Variants in XRCC4 observed in about 807,000 individuals in gnomAD.
XRCC4 encodes the protein X-ray repair cross complementing 4, also known as DNA repair protein XRCC4.
Under a neutral mutation model 39.1 loss-of-function variants are expected in XRCC4, and 28 were observed. That is an observed-to-expected ratio of 0.72 (90% CI 0.53 to 0.98). The LOEUF is 0.98. Among genes scored for constraint, XRCC4 ranks in the 50% least tolerant of loss-of-function variants. XRCC4 has a pLI of 0.00. For missense variants in XRCC4, 350 were observed against 376.4 expected, an observed-to-expected ratio of 0.93 and a Z score of 0.58; for synonymous variants, 123 against 126.4, an observed-to-expected ratio of 0.97 and a Z score of 0.18.
intron 7 of XRCC4, among the ~76,000 whole-genome samples, chr5:83,302,782 G>A (rs1285886526): frequency 6.6e-6 from 1 of 152,186 alleles, no homozygotes; most frequent in Non-Finnish European, 1.5e-5. Context: ...AGGATTTGCA[G>A]TGTAACAATT....
At chr5:83,169,230 T>G (rs914194267) in intron 3 of XRCC4, among the ~76,000 whole-genome samples, 1 of 152,220 alleles carries the variant, frequency 6.6e-6, no homozygotes, top group Non-Finnish European at 1.5e-5. Flanking sequence ...TAGTCATTTT[T>G]CCAAAGTTTA....
In XRCC4 at chr5:83,105,025, C is replaced by T. The variant is rs1746130112; in HGVS notation, c.106C>T (p.Leu36Phe). 8 of 1,613,464 alleles carry T rather than the reference C, an allele frequency of 5.0e-6. No homozygotes were observed. Among genetic ancestry groups the T allele is most frequent in the Non-Finnish European group, 6.8e-6 (8 of 1,179,704 alleles). ...KTLESGFVITLTDGHSAWTGT... is the reference protein window; with the variant it reads ...KTLESGFVITFTDGHSAWTGT... ...ACTGGAATCTGGTTTTGTTATTACA[C>T]TTACTGATGGTCATTCAGCATGGAC... is the stretch of plus-strand genomic sequence containing the variant. Residue 36 changes from leucine to phenylalanine, a missense_variant, in exon 2 of 8, where the codon CTT (leucine) becomes TTT (phenylalanine). Coordinates refer to ENST00000396027, the MANE Select transcript of XRCC4 (RefSeq NM_003401.5).
chr5:83,132,720 TTTCAGCTCA>T (rs2112486514), intron 3 of XRCC4, among the ~76,000 whole-genome samples: 1 of 152,294 alleles, frequency 6.6e-6, no homozygotes, highest in South Asian at 2.1e-4. Flanking sequence ...GTGCCATTGT[TTTCAGCTCA>T]TTCAGGTCAT....
chr5:83,171,481 T>C (rs1237013016), intron 3 of XRCC4, among the ~76,000 whole-genome samples: 7 of 151,988 alleles, frequency 4.6e-5, no homozygotes, highest in Non-Finnish European at 8.8e-5. Flanking sequence ...GAACTTACAC[T>C]TAAAAAAAAA....
intron 7 of XRCC4, among the ~76,000 whole-genome samples, chr5:83,276,722 G>A (rs1754348413): frequency 1.3e-5 from 2 of 151,780 alleles, no homozygotes; most frequent in South Asian, 2.1e-4. Flanking sequence ...ACCTAACCTA[G>A]TGTCTTTGTG....
chr5:83,175,451 T>C (rs1467147028), intron 3 of XRCC4, among the ~76,000 whole-genome samples: 1 of 152,224 alleles, frequency 6.6e-6, no homozygotes, highest in Non-Finnish European at 1.5e-5. Flanking sequence ...GAGTTATTAG[T>C]AAACTTTTGT....
chr5:83,342,658 G>A lies in XRCC4; in HGVS notation c.894-10473G>A, dbSNP rs149013550. Among the ~76,000 whole-genome samples the A allele has an allele frequency of 2.6e-5, 4 of 152,276 alleles. No homozygotes were observed. In the East Asian group the frequency reaches 7.7e-4, roughly 29 times the overall value. Reference sequence around the variant, plus strand: ...CAACGAAATGACGTGTAGGCCTAGTGAATTCCAGGCAATGTTCAGCACTGG... The same window carrying A: ...CAACGAAATGACGTGTAGGCCTAGTAAATTCCAGGCAATGTTCAGCACTGG... On this transcript the variant is annotated intron_variant, in intron 7 of 7. Transcript: ENST00000396027.
chr5:83,143,626 G>A (rs1248409370), intron 3 of XRCC4, among the ~76,000 whole-genome samples: 1 of 151,992 alleles, frequency 6.6e-6, no homozygotes, highest in Admixed American at 6.5e-5. Flanking sequence ...GTACAGGCTG[G>A]CTGGCAACAA....
chr5:83,112,841 C>T (rs956271920), intron 3 of XRCC4, among the ~76,000 whole-genome samples: 31 of 152,156 alleles, frequency 2.0e-4, no homozygotes, highest in African/African-American at 6.8e-4. Context: ...ATTCAGTTAC[C>T]TCCCGCTGGG....
At chr5:83,246,913 ATATCT>A (rs1346258406) in intron 6 of XRCC4, among the ~76,000 whole-genome samples, 3 of 152,200 alleles carry the variant, frequency 2.0e-5, no homozygotes, top group African/African-American at 7.2e-5. Context: ...CAAGAGTAAA[ATATCT>A]TATGAGGTTG....
chr5:83,153,217 T>C (rs1159144234), intron 3 of XRCC4, among the ~76,000 whole-genome samples: 1 of 151,378 alleles, frequency 6.6e-6, no homozygotes, highest in Non-Finnish European at 1.5e-5. Context: ...ATTCAAACTT[T>C]TTTTTTTTTT....
chr5:83,309,735 C>A (rs1284873756), intron 7 of XRCC4, among the ~76,000 whole-genome samples: 2 of 109,938 alleles, frequency 1.8e-5, no homozygotes, highest in Admixed American at 2.9e-4. Flanking sequence ...CCAGCCTGGG[C>A]GACAGAGTGA....
chr5:83,358,981 C>G, the XRCC4 span, among the ~76,000 whole-genome samples: 214 of 151,798 alleles, frequency 1.4e-3, no homozygotes, highest in African/African-American at 4.0e-3. Context: ...TCCAAGGAAC[C>G]TTTTGAAAGT....
chr5:83,240,163 G>A (rs1016010670), intron 6 of XRCC4, among the ~76,000 whole-genome samples: 22 of 152,120 alleles, frequency 1.4e-4, no homozygotes, highest in African/African-American at 5.3e-4. Context: ...GACAGAGTGA[G>A]ACCCCGACTC....
chr5:83,371,734 G>A, the XRCC4 span, among the ~76,000 whole-genome samples: 1 of 152,176 alleles, frequency 6.6e-6, no homozygotes, highest in Non-Finnish European at 1.5e-5. Flanking sequence ...ATGATAAAAG[G>A]AAGACATTGT....
chr5:83,265,913 C>T (rs998033075), intron 7 of XRCC4, among the ~76,000 whole-genome samples: 3 of 151,852 alleles, frequency 2.0e-5, no homozygotes, highest in Non-Finnish European at 2.9e-5. Flanking sequence ...TAGGCTATTA[C>T]GTACATTTAA....
chr5:83,300,546 T>TTGTGTGTA (rs1554072922), intron 7 of XRCC4, among the ~76,000 whole-genome samples: 1 of 126,990 alleles, frequency 7.9e-6, no homozygotes, highest in Non-Finnish European at 1.6e-5. Flanking sequence ...TATCTTTTGT[T>TTGTGTGTA]TGTGTGTGTG....
At chr5:83,140,547 AC>A (rs796222832) in intron 3 of XRCC4, among the ~76,000 whole-genome samples, 11 of 152,364 alleles carry the variant, frequency 7.2e-5, no homozygotes, top group African/African-American at 2.6e-4. Context: ...ACACCGAGAT[AC>A]AATATTTTGC....
At chr5:83,195,115 CA>C (rs1561395601) in intron 3 of XRCC4, among the ~76,000 whole-genome samples, 1 of 152,050 alleles carries the variant, frequency 6.6e-6, no homozygotes, top group Admixed American at 6.5e-5. Flanking sequence ...TTCAGAATTC[CA>C]TAAGTGTACT....
Sources: allele counts gnomAD v4.1 joint callset (sites outside exome capture counted in the v4.1 genomes callset), GRCh38; gene constraint gnomAD v4.1.1; transcripts MANE v1.5; gene names NCBI Gene and HGNC (gene_info 2026-07-23, HGNC 2026-07-21).